Variants in THEMIS2 observed in about 807,000 individuals in gnomAD.
THEMIS2 encodes thymocyte selection associated family member 2.
Under a neutral mutation model 46.8 loss-of-function variants are expected in THEMIS2, and 29 were observed. The observed-to-expected ratio is 0.62, with a 90% confidence interval of 0.46 to 0.84. The LOEUF is 0.84. Among genes scored for constraint, THEMIS2 ranks in the 40% least tolerant of loss-of-function variants. THEMIS2 has a pLI of 0.00. For synonymous variants in THEMIS2, 335 were observed against 349.1 expected, an observed-to-expected ratio of 0.96 and a Z score of 0.45; for missense variants, 698 against 834.7, an observed-to-expected ratio of 0.84 and a Z score of 2.02.
Position 27,882,676 on chromosome 1 carries a change from T to C in THEMIS2, c.1352T>C (p.Leu451Pro). 1 of 1,614,052 alleles carries C rather than the reference T, an allele frequency of 6.2e-7. No homozygotes were observed. Among genetic ancestry groups the C allele is most frequent in the Admixed American group, 1.7e-5 (1 of 60,002 alleles). Residue 451 changes from leucine to proline, a missense_variant, in exon 4 of 6, where the codon CTG becomes CCG. Physicochemically the swap from Leu to Pro is moderately conservative, Grantham distance 98. Coordinates refer to ENST00000373921, the MANE Select transcript of THEMIS2 (RefSeq NM_001105556.3). This position sits in a 1 kb window ranked among gnomAD's most constrained non-coding sequence, Gnocchi z 7.6. ...SLADLTAQFS[L>P]PCEVKVVAKD... ...GCAGATCTGACTGCCCAGTTTTCAC[T>C]GCCTTGTGAGGTCAAGGTGGTGGCC... is the stretch of plus-strand genomic sequence containing the variant.
intron 2 of THEMIS2, among the ~76,000 whole-genome samples, chr1:27,879,312 G>C (rs1398877716): frequency 1.3e-5 from 2 of 152,136 alleles, no homozygotes; most frequent in Non-Finnish European, 2.9e-5. Flanking sequence ...ATGGCAGTTA[G>C]AGGCAGGTAG....
chr1:27,883,007 C>A lies in THEMIS2; in HGVS notation c.1683C>A (p.Ser561Arg). Residue 561 changes from serine (S) to arginine (R), a missense_variant, in exon 4 of 6, where the codon AGC (serine) becomes AGA (arginine). Transcript: ENST00000373921. ...GGCCCCCTAAAAATCAGGGCCTCAG[C>A]AAGCAGAGGAGACACAGCAGTGAGG... Reference protein sequence around the residue: ...PPRPPKNQGLSKQRRHSSEGG... With the variant: ...PPRPPKNQGLRKQRRHSSEGG... 1 of 1,613,518 alleles carries A rather than the reference C, an allele frequency of 6.2e-7. No homozygotes were observed. Among genetic ancestry groups the A allele is most frequent in the Non-Finnish European group, 8.5e-7 (1 of 1,179,860 alleles).
Position 27,882,440 on chromosome 1 carries a change from C to T in THEMIS2, c.1116C>T (p.Asp372=). ...NPEFTSLAVG[D]RLEVLGPGQA... Reference sequence around the variant, plus strand: ...AGTTCACGTCCCTGGCTGTGGGTGACCGGCTGGAGGTGCTGGGGCCTGGCC... The same window carrying T: ...AGTTCACGTCCCTGGCTGTGGGTGATCGGCTGGAGGTGCTGGGGCCTGGCC... The change falls in exon 4 of 6, where the codon GAC becomes GAT. Residue 372 remains aspartate (D), a synonymous_variant. Transcript: ENST00000373921. The surrounding 1 kb of genome is among the most constrained non-coding windows in gnomAD (Gnocchi z 7.6). 4.3e-6 allele frequency: 7 copies of T among 1,612,504 alleles called. No homozygotes were observed. Among genetic ancestry groups the T allele is most frequent in the Non-Finnish European group, 5.9e-6 (7 of 1,178,840 alleles).
rs1324739794 is a variant in THEMIS2, at chr1:27,879,791, A to G, written c.383A>G (p.Gln128Arg). ...GAGGGCAGGGTGGTGACTGAGGACCAGCTCCTCATGCTTGAGGCTGTGGTG... is the reference window on the plus strand; with the variant it reads ...GAGGGCAGGGTGGTGACTGAGGACCGGCTCCTCATGCTTGAGGCTGTGGTG... The part of the protein sequence containing the change: ...VTEGRVVTED[Q>R]LLMLEAVVMH... The change falls in exon 3 of 6, where the codon CAG (glutamine) becomes CGG (arginine). Residue 128 changes from glutamine (Q) to arginine (R), a missense_variant. Physicochemically the swap from Gln to Arg is conservative, Grantham distance 43. Coordinates refer to ENST00000373921, the MANE Select transcript of THEMIS2 (RefSeq NM_001105556.3). 1 of 1,614,068 alleles carries G rather than the reference A, an allele frequency of 6.2e-7. No homozygotes were observed. The highest frequency in any genetic ancestry group is 8.5e-7 in the Non-Finnish European group (1 of 1,179,968).
Position 27,872,726 on chromosome 1 carries a change from G to A in THEMIS2, c.94+61G>A, listed in dbSNP as rs1193513387. On this transcript the variant is annotated intron_variant, in intron 1 of 5. Coordinates refer to ENST00000373921, the MANE Select transcript of THEMIS2 (RefSeq NM_001105556.3). The surrounding 1 kb of genome is among the most constrained non-coding windows in gnomAD (Gnocchi z 4.9). ...TGGTGTGGGGCGGGGGCAGAGACCC[G>A]GAGAAGACGTTAGCAATCCGGGGAA... 1.6e-6 allele frequency: 2 copies of A among 1,217,962 alleles called. No individual in the cohort carries two copies. Among genetic ancestry groups the A allele is most frequent in the Non-Finnish European group, 2.1e-6 (2 of 963,726 alleles). The allele number at this position is 1,217,962 out of a possible 1,614,324, so 75.4% of individuals were successfully genotyped here.
At chr1:27,877,492 A>C (rs994091087) in intron 2 of THEMIS2, among the ~76,000 whole-genome samples, 2 of 151,620 alleles carry the variant, frequency 1.3e-5, no homozygotes, top group African/African-American at 4.8e-5. Flanking sequence ...CACCCAGCTA[A>C]TTTTTTTTGT....
chr1:27,886,390 C>T lies in THEMIS2; in HGVS notation c.*468C>T. The stretch of plus-strand genomic sequence containing the variant: ...TGGACTGTCTTCCTCATCTCTGTAG[C>T]ACCAAGCCTGATAGATCTGTATATG... On this transcript the variant is annotated 3_prime_UTR_variant, in exon 6 of 6. Transcript: ENST00000373921. The T allele has an allele frequency of 5.6e-6, 1 of 177,830 alleles. No homozygotes were observed. The highest frequency in any genetic ancestry group is 1.0e-4 in the South Asian group (1 of 9,724). The allele number at this position is 177,830 out of a possible 1,614,324, so 11.0% of individuals were successfully genotyped here. A position where few individuals can be genotyped will look rare whatever the true frequency, so the allele number is the denominator to read the frequency against.
At chr1:27,884,642 C>T (rs1323772546) in intron 4 of THEMIS2, 1 of 152,424 alleles carries the variant, frequency 6.6e-6, no homozygotes, top group African/African-American at 2.4e-5. Flanking sequence ...CACAACTTTT[C>T]CCCTCTGTGC....
At chr1:27,881,654 C>T (rs1267169576) in intron 3 of THEMIS2, among the ~76,000 whole-genome samples, 3 of 151,514 alleles carry the variant, frequency 2.0e-5, no homozygotes, top group African/African-American at 7.3e-5. Context: ...ATGGTGAAAC[C>T]CCATCTCTAC....
intron 2 of THEMIS2, among the ~76,000 whole-genome samples, chr1:27,879,238 G>C (rs2089636701): frequency 1.3e-5 from 2 of 152,168 alleles, no homozygotes; most frequent in Admixed American, 1.3e-4. Flanking sequence ...TTGGGAGAGA[G>C]GGACGGCAGG....
Position 27,882,251 on chromosome 1 carries a change from G to T in THEMIS2, c.927G>T (p.Lys309Asn). The T allele has an allele frequency of 6.2e-7, 1 of 1,608,416 alleles. No individual in the cohort carries two copies. Among genetic ancestry groups the T allele is most frequent in the South Asian group, 1.1e-5 (1 of 90,706 alleles). ...WRVLASSKGR[K>N]VPRHFLVSGG... is the part of the protein sequence containing the mutation. ...TCCTGGCCTCAAGCAAGGGCCGCAA[G>T]GTGCCCAGGCACTTCCTGGTGTCAG... Residue 309 changes from lysine (K) to asparagine (N), a missense_variant, in exon 4 of 6, where the codon AAG becomes AAT. Transcript: ENST00000373921. This position sits in a 1 kb window ranked among gnomAD's most constrained non-coding sequence, Gnocchi z 7.6.
rs763462921 is a variant in THEMIS2 at position 27,883,012 on chromosome 1, AGAG to A, written c.1692_1694del (p.Arg565del). The A allele has an allele frequency of 1.9e-6, 3 of 1,613,420 alleles. No individual in the cohort carries two copies. ...CCTAAAAATCAGGGCCTCAGCAAGCAGAGGAGACACAGCAGTGAGGGAGGCGTC... is the reference window on the plus strand; with the variant it reads ...CCTAAAAATCAGGGCCTCAGCAAGCAGAGACACAGCAGTGAGGGAGGCGTC... On this transcript the variant is annotated inframe_deletion, in exon 4 of 6. Coordinates refer to ENST00000373921, the MANE Select transcript of THEMIS2 (RefSeq NM_001105556.3).
chr1:27,873,459 G>A (rs1224394192), intron 1 of THEMIS2, among the ~76,000 whole-genome samples: 2 of 152,142 alleles, frequency 1.3e-5, no homozygotes, highest in Non-Finnish European at 2.9e-5. Context: ...CTGTGTGGGG[G>A]TGCGGGTTCC....
In THEMIS2 at chr1:27,879,978, C is replaced by T. The variant is rs776819505; in HGVS notation, c.570C>T (p.Leu190=). 6.8e-6 allele frequency: 11 copies of T among 1,612,544 alleles called. No individual in the cohort carries two copies. Among genetic ancestry groups the T allele is most frequent in the Middle Eastern group, 1.6e-4 (1 of 6,074 alleles). ...TACAGGATCCAGCCCTGAAAGACCT[C>T]GTCCTCACCTGCCCCACCCTGCCCT... ...QVLQDPALKD[L]VLTCPTLPWH... The change falls in exon 3 of 6, where the codon CTC becomes CTT. Residue 190 remains leucine (L), a synonymous_variant. Coordinates refer to ENST00000373921, the MANE Select transcript of THEMIS2 (RefSeq NM_001105556.3).
Position 27,876,619 on chromosome 1 carries a change from C to T in THEMIS2, c.126C>T (p.Cys42=). The T allele has an allele frequency of 6.2e-7, 1 of 1,614,012 alleles. No individual in the cohort carries two copies. The highest frequency in any genetic ancestry group is 8.5e-7 in the Non-Finnish European group (1 of 1,179,980). The part of the protein sequence containing the change: ...GSIYEISGNE[C]CLSTGDLIKV... ...TCTATGAGATCTCTGGGAATGAGTG[C>T]TGCCTCTCCACGGGGGACCTGATCA... Residue 42 remains cysteine, a synonymous_variant, in exon 2 of 6, where the codon TGC becomes TGT. Transcript: ENST00000373921.
intron 1 of THEMIS2, among the ~76,000 whole-genome samples, chr1:27,873,484 A>T (rs2089523932): frequency 6.6e-6 from 1 of 151,958 alleles, no homozygotes; most frequent in Non-Finnish European, 1.5e-5. Context: ...TTAGAGAGCG[A>T]ACTGAGGCTT....
intron 1 of THEMIS2, among the ~76,000 whole-genome samples, chr1:27,875,619 C>T (rs1297631378): frequency 6.6e-6 from 1 of 152,160 alleles, no homozygotes; most frequent in East Asian, 1.9e-4. Flanking sequence ...ACTGTGCACT[C>T]GTGTGTGCGT....
intron 2 of THEMIS2, among the ~76,000 whole-genome samples, chr1:27,877,612 C>T (rs1316510460): frequency 2.0e-5 from 3 of 152,138 alleles, no homozygotes; most frequent in African/African-American, 7.2e-5. Flanking sequence ...CAGGCATGAG[C>T]CACCATGCCC....
rs780931615 is a variant in THEMIS2, at chr1:27,882,247, G to A, written c.923G>A (p.Arg308His). 76 of 1,607,688 alleles carry A rather than the reference G, an allele frequency of 4.7e-5. No homozygotes were observed. The Admixed American group carries it at 7.7e-4, about 16-fold the overall frequency. ...PWRVLASSKG[R>H]KVPRHFLVSG... ...CGGGTCCTGGCCTCAAGCAAGGGCCGCAAGGTGCCCAGGCACTTCCTGGTG... is the reference window on the plus strand; with the variant it reads ...CGGGTCCTGGCCTCAAGCAAGGGCCACAAGGTGCCCAGGCACTTCCTGGTG... Residue 308 changes from arginine to histidine, a missense_variant, in exon 4 of 6, where the codon CGC becomes CAC. Transcript: ENST00000373921. This position sits in a 1 kb window ranked among gnomAD's most constrained non-coding sequence, Gnocchi z 7.6.
Sources: allele counts gnomAD v4.1 joint callset (sites outside exome capture counted in the v4.1 genomes callset), GRCh38; gene constraint gnomAD v4.1.1; non-coding constraint Gnocchi (gnomAD v3.1); transcripts MANE v1.5; gene names NCBI Gene and HGNC (gene_info 2026-07-23, HGNC 2026-07-21).